Variants in UXS1 observed in about 807,000 individuals in gnomAD.
UXS1 encodes UDP-glucuronate decarboxylase 1, also known as UDP-glucuronic acid decarboxylase 1.
In UXS1, 33 loss-of-function variants were observed where a neutral mutation model predicts 62.6. The ratio of observed to expected loss-of-function variants is 0.53; its 90% CI spans 0.40 to 0.70. The LOEUF (loss-of-function observed/expected upper bound fraction) is 0.70, where lower values mean the gene tolerates loss of function less well. UXS1 is among the 30% of genes least tolerant of loss of function. The probability of loss-of-function intolerance (pLI) is 0.00; values close to 1 mark genes in which losing one functional copy is unlikely to be tolerated. For synonymous variants in UXS1, 213 were observed against 206.8 expected (o/e 1.03, Z -0.26); for missense variants, 434 against 556.3 (o/e 0.78, Z 2.21).
intron 6 of UXS1, among the ~76,000 whole-genome samples, chr2:106,137,427 G>A (rs377718598): frequency 6.6e-6 from 1 of 152,156 alleles, no homozygotes; most frequent in African/African-American, 2.4e-5. Flanking sequence ...AACAGGCACT[G>A]TGCTGCCTCC....
chr2:106,161,188 C>CTTTTTTTTT (rs567647242), intron 4 of UXS1, among the ~76,000 whole-genome samples: 1 of 144,380 alleles, frequency 6.9e-6, no homozygotes, highest in African/African-American at 2.5e-5. Flanking sequence ...AGCACAAGGC[C>CTTTTTTTTT]TTTTTTTTTT....
intron 7 of UXS1, among the ~76,000 whole-genome samples, chr2:106,129,024 T>C (rs1680207382): frequency 6.6e-6 from 1 of 152,250 alleles, no homozygotes; most frequent in Non-Finnish European, 1.5e-5. Flanking sequence ...AATTTAAGCA[T>C]GCCTCTAATT....
intron 10 of UXS1, among the ~76,000 whole-genome samples, chr2:106,108,292 A>T (rs1678260430): frequency 6.6e-6 from 1 of 152,228 alleles, no homozygotes; most frequent in African/African-American, 2.4e-5. Context: ...AGTAAAAGAA[A>T]GGGGTGTGTG....
chr2:106,139,134 G>A (rs554736699), intron 6 of UXS1, among the ~76,000 whole-genome samples: 55 of 152,230 alleles, frequency 3.6e-4, no homozygotes, highest in African/African-American at 1.3e-3. Context: ...TGAGCCTGAC[G>A]TTCCAAAATC....
intron 6 of UXS1, among the ~76,000 whole-genome samples, chr2:106,140,232 G>A (rs896006547): frequency 6.6e-6 from 1 of 152,196 alleles, no homozygotes; most frequent in African/African-American, 2.4e-5. Flanking sequence ...TGTTCTGAGC[G>A]AGGGGCTCAC....
chr2:106,136,965 C>CAAAA (rs397701050), intron 6 of UXS1, among the ~76,000 whole-genome samples: 1,422 of 52,552 alleles, frequency 0.027, no homozygotes, highest in East Asian at 0.036. Context: ...AGAACACACA[C>CAAAA]AAAAAAAAAA....
intron 4 of UXS1, among the ~76,000 whole-genome samples, chr2:106,162,955 G>A (rs1002037143): frequency 7.9e-5 from 12 of 152,256 alleles, no homozygotes; most frequent in African/African-American, 2.6e-4. Flanking sequence ...CCAATAAGGG[G>A]AAAAAATCAC....
chr2:106,168,298 C>T (rs1264625609), intron 1 of UXS1, among the ~76,000 whole-genome samples: 3 of 151,702 alleles, frequency 2.0e-5, no homozygotes, highest in East Asian at 1.9e-4. Context: ...CTCTTACCAG[C>T]GCCATGACAG....
intron 1 of UXS1, among the ~76,000 whole-genome samples, chr2:106,172,957 A>C (rs1041304479): frequency 1.2e-4 from 18 of 152,144 alleles, no homozygotes; most frequent in African/African-American, 4.3e-4. Context: ...TCAGCTCAAA[A>C]GTTACCTTAT....
intron 1 of UXS1, among the ~76,000 whole-genome samples, chr2:106,193,813 C>G (rs1259161441): frequency 6.6e-6 from 1 of 152,042 alleles, no homozygotes; most frequent in African/African-American, 2.4e-5. Flanking sequence ...GACCGGGACC[C>G]TCGCCGGCTC....
chr2:106,182,841 A>C (rs539991652), intron 1 of UXS1, among the ~76,000 whole-genome samples: 56 of 152,246 alleles, frequency 3.7e-4, no homozygotes, highest in African/African-American at 1.3e-3. Context: ...GTGGGAACGC[A>C]GGCAAGGTGA....
At chr2:106,188,918 T>C (rs866195265) in intron 1 of UXS1, among the ~76,000 whole-genome samples, 14 of 152,248 alleles carry the variant, frequency 9.2e-5, no homozygotes, top group African/African-American at 3.1e-4. Flanking sequence ...TTTAGTTTTT[T>C]AAAAAAGTTC....
chr2:106,119,230 G>A (rs1001761816), intron 9 of UXS1, among the ~76,000 whole-genome samples: 4 of 152,156 alleles, frequency 2.6e-5, no homozygotes, highest in Non-Finnish European at 4.4e-5. Context: ...GAGCCTTGGC[G>A]CCTTTGGACT....
intron 9 of UXS1, among the ~76,000 whole-genome samples, chr2:106,115,216 G>T (rs190982918): frequency 4.5e-4 from 69 of 152,284 alleles, no homozygotes; most frequent in African/African-American, 1.6e-3. Flanking sequence ...TCCAGGGTCT[G>T]ACCCAAAGCC....
At chr2:106,183,618 C>T (rs1684381738) in intron 1 of UXS1, 1 of 152,200 alleles carries the variant, frequency 6.6e-6, no homozygotes, top group African/African-American at 2.4e-5. Flanking sequence ...AGGAGAAGTT[C>T]CCACTTGCTG....
chr2:106,192,539 G>C (rs957446366), intron 1 of UXS1, among the ~76,000 whole-genome samples: 13 of 139,740 alleles, frequency 9.3e-5, no homozygotes, highest in African/African-American at 3.5e-4. Flanking sequence ...GGGCTGAACA[G>C]AGCGAGACTC....
chr2:106,138,341 C>T (rs915642880), intron 6 of UXS1: 6 of 985,628 alleles, frequency 6.1e-6, no homozygotes, highest in East Asian at 1.1e-4. Context: ...GAGATTCACA[C>T]ATGCCTTCCT....
At chr2:106,118,353 C>T (rs929165591) in intron 9 of UXS1, among the ~76,000 whole-genome samples, 2 of 152,036 alleles carry the variant, frequency 1.3e-5, no homozygotes, top group Non-Finnish European at 2.9e-5. Context: ...TCTGAGTTTG[C>T]TTTCTTTCCA....
At chr2:106,104,927 T>A in intron 10 of UXS1, 90 bp from the exon 11 acceptor site, 1 of 1,500,362 alleles carries the variant, frequency 6.7e-7, no homozygotes, top group African/African-American at 1.4e-5. Flanking sequence ...CAGTCCGACC[T>A]TGAAACTGAT....
Sources: allele counts gnomAD v4.1 joint callset (sites outside exome capture counted in the v4.1 genomes callset), GRCh38; gene constraint gnomAD v4.1.1; transcripts MANE v1.5; gene names NCBI Gene and HGNC (gene_info 2026-07-23, HGNC 2026-07-21).